Variants in CCDC175 observed in about 807,000 individuals in gnomAD.
CCDC175 encodes the protein coiled-coil domain containing 175.
In CCDC175, 100 loss-of-function variants were observed where a neutral mutation model predicts 114.6. The ratio of observed to expected loss-of-function variants is 0.87; its 90% confidence interval spans 0.74 to 1.03. CCDC175 has a LOEUF of 1.03. Ranked by LOEUF, CCDC175 falls within the 50% of genes least tolerant of loss-of-function variation. The pLI, the probability that CCDC175 is intolerant of heterozygous loss-of-function variation, is 0.00. For synonymous variants in CCDC175, 306 were observed against 308.7 expected (o/e 0.99, Z 0.09); for missense variants, 880 against 917.8 (o/e 0.96, Z 0.53).
At chr14:59,564,915 G>A (rs1324936111) in intron 5 of CCDC175, 132 bp downstream of exon 5, 4 of 670,350 alleles carry the variant, frequency 6.0e-6, no homozygotes, top group Non-Finnish European at 1.0e-5. Flanking sequence ...CGCTCATCCC[G>A]TTTTCCCAGC....
chr14:59,568,704 C>T (rs1312457714), intron 3 of CCDC175, among the ~76,000 whole-genome samples: 1 of 152,152 alleles, frequency 6.6e-6, no homozygotes, highest in Non-Finnish European at 1.5e-5. Context: ...TTTATGCACC[C>T]ACACCCATGC....
chr14:59,506,611 T>G (rs4898990), intron 19 of CCDC175, among the ~76,000 whole-genome samples: 80,611 of 152,032 alleles, frequency 0.53, 22,754 homozygotes, highest in East Asian at 0.81. Flanking sequence ...TTTTAAAATC[T>G]CCAGGTGATT....
chr14:59,566,165 T>C (rs1369416773), intron 4 of CCDC175, among the ~76,000 whole-genome samples: 4 of 152,178 alleles, frequency 2.6e-5, no homozygotes, highest in Non-Finnish European at 5.9e-5. Context: ...TAGCCAACTC[T>C]GAGCTCAATA....
At chr14:59,511,624 G>C (rs1370808270) in intron 18 of CCDC175, 136 bp downstream of exon 18, 3 of 562,704 alleles carry the variant, frequency 5.3e-6, no homozygotes, top group Non-Finnish European at 9.3e-6. Context: ...GGGAGTGAGA[G>C]AGCTAGTGTG....
At chr14:59,555,618 A>C (rs1341274291) in intron 7 of CCDC175, among the ~76,000 whole-genome samples, 3 of 152,228 alleles carry the variant, frequency 2.0e-5, no homozygotes, top group Non-Finnish European at 4.4e-5. Context: ...TAGCCAGGGC[A>C]ATCAGGCAGG....
chr14:59,520,314 A>C (rs1893351797), intron 17 of CCDC175, among the ~76,000 whole-genome samples: 1 of 152,238 alleles, frequency 6.6e-6, no homozygotes, highest in South Asian at 2.1e-4. Flanking sequence ...CACCATTTTA[A>C]GTGTTGATGA....
chr14:59,538,668 G>A lies in CCDC175; in HGVS notation c.1491+37C>T, dbSNP rs768030241. The A allele has an allele frequency of 1.0e-5, 15 of 1,484,184 alleles. No homozygotes were observed. In the South Asian group the frequency reaches 1.7e-4, roughly 17 times the overall value. 91.9% of individuals were successfully genotyped at this position (1,484,184 alleles called of 1,614,324 possible). ...TAAAGGAGAATTGCTGATATGCAATGTAGGGGACTAATTCTAAGTTCTTTC... is the reference window on the plus strand; with the variant it reads ...TAAAGGAGAATTGCTGATATGCAATATAGGGGACTAATTCTAAGTTCTTTC... On this transcript the variant is annotated intron_variant, in intron 12 of 19. Transcript: ENST00000537690.
chr14:59,532,786 C>A (rs928158259), intron 13 of CCDC175, among the ~76,000 whole-genome samples: 1 of 152,170 alleles, frequency 6.6e-6, no homozygotes, highest in Non-Finnish European at 1.5e-5. Flanking sequence ...AGCCACCCTG[C>A]CAGCCCTGGA....
At chr14:59,521,940 T>C (rs1389501293) in intron 16 of CCDC175, among the ~76,000 whole-genome samples, 4 of 152,232 alleles carry the variant, frequency 2.6e-5, no homozygotes, top group African/African-American at 9.6e-5. Context: ...CCAAAAGAAA[T>C]TAGAAGGTGT....
intron 3 of CCDC175, among the ~76,000 whole-genome samples, chr14:59,569,334 A>G (rs919750267): frequency 2.0e-5 from 3 of 152,196 alleles, no homozygotes; most frequent in African/African-American, 7.2e-5. Flanking sequence ...CTTAAAATGC[A>G]GCTTCTGATA....
At chr14:59,556,130 CA>C (rs1470237479) in intron 7 of CCDC175, among the ~76,000 whole-genome samples, 2 of 152,022 alleles carry the variant, frequency 1.3e-5, no homozygotes, top group Non-Finnish European at 2.9e-5. Context: ...CATATGGAAC[CA>C]AAAAAGAGCC....
At chr14:59,522,218 A>G (rs1893462139) in intron 16 of CCDC175, among the ~76,000 whole-genome samples, 1 of 152,216 alleles carries the variant, frequency 6.6e-6, no homozygotes, top group African/African-American at 2.4e-5. Flanking sequence ...AGAAACTCTA[A>G]AGTCCCAGGA....
chr14:59,575,505 C>CTTTTT (rs58872671), intron 1 of CCDC175, among the ~76,000 whole-genome samples: 1 of 98,410 alleles, frequency 1.0e-5, no homozygotes, highest in Non-Finnish European at 2.0e-5. Context: ...GGTAACATTC[C>CTTTTT]TTTTTTTTTT....
intron 7 of CCDC175, among the ~76,000 whole-genome samples, chr14:59,552,259 C>T (rs1336841261): frequency 6.6e-6 from 1 of 152,222 alleles, no homozygotes; most frequent in African/African-American, 2.4e-5. Context: ...GGGTACACCT[C>T]TGAGACGAAG....
At chr14:59,566,275 T>C (rs1896538061) in intron 4 of CCDC175, among the ~76,000 whole-genome samples, 1 of 152,222 alleles carries the variant, frequency 6.6e-6, no homozygotes, top group African/African-American at 2.4e-5. Flanking sequence ...ACCCAGAGGC[T>C]AACAACAAAA....
intron 14 of CCDC175, among the ~76,000 whole-genome samples, chr14:59,530,819 C>A (rs1894028566): frequency 6.6e-6 from 1 of 152,186 alleles, no homozygotes; most frequent in Admixed American, 6.5e-5. Flanking sequence ...AACCAGTAGA[C>A]AATTTTTGTT....
intron 11 of CCDC175, 23 bp from the exon 12 acceptor site, chr14:59,538,863 T>C (rs1005706760): frequency 6.6e-7 from 1 of 1,515,622 alleles, no homozygotes; most frequent in Non-Finnish European, 8.8e-7. Flanking sequence ...GCAAAAAGAA[T>C]TGCCATTAAA....
In CCDC175 at chr14:59,538,032, G is replaced by C. The variant is rs1894515647; in HGVS notation, c.1614C>G (p.Ser538Arg). ...GCAAAATAAAATTTACCTCATACTT[G>C]CTTAACTCTTTCATTAACATTTTTT... ...NKEKMLMKEL[S>R]KYEEIFVKET... is the part of the protein sequence containing the mutation. Residue 538 changes from serine to arginine, a missense_variant, in exon 13 of 20, where the codon AGC (serine) becomes AGG (arginine). Physicochemically the swap from Ser to Arg is moderately radical, Grantham distance 110 (BLOSUM62 -1). Transcript: ENST00000537690. The C allele has an allele frequency of 6.6e-7, 1 of 1,524,696 alleles. No homozygotes were observed. Among genetic ancestry groups the C allele is most frequent in the Non-Finnish European group, 8.8e-7 (1 of 1,137,036 alleles). The allele number at this position is 1,524,696 out of a possible 1,614,324, so 94.4% of individuals were successfully genotyped here. A position where few individuals can be genotyped will look rare whatever the true frequency, so the allele number is the denominator to read the frequency against.
chr14:59,576,741 G>T lies in CCDC175; in HGVS notation c.35C>A (p.Ala12Asp), dbSNP rs1897149174. 1 of 1,476,596 alleles carries T rather than the reference G, an allele frequency of 6.8e-7. No homozygotes were observed. Among genetic ancestry groups the T allele is most frequent in the Non-Finnish European group, 8.9e-7 (1 of 1,122,604 alleles). The allele number at this position is 1,476,596 out of a possible 1,614,324, so 91.5% of individuals were successfully genotyped here. ...ALSPWTPGLG[A>D]GEKLVQAAAV... ...AGCCGCCTGCACCAGCTTCTCGCCA[G>T]CGCCCAGCCCTGGGGTCCAGGGGCT... is the stretch of plus-strand genomic sequence containing the variant. The change falls in exon 1 of 20, where the codon GCT becomes GAT. Residue 12 changes from alanine to aspartate, a missense_variant. Transcript: ENST00000537690.
Sources: gnomAD v4.1 joint callset for allele counts (sites outside exome capture counted in the v4.1 genomes callset) on GRCh38, gnomAD v4.1.1 for gene constraint, MANE v1.5 for transcripts, NCBI Gene and HGNC (gene_info 2026-07-23, HGNC 2026-07-21) for gene names.